The following CD22 variants were observed in gnomAD, a reference collection of about 807,000 sequenced individuals.
The protein encoded by CD22 is B-cell receptor CD22.
CD22 carries 51 observed loss-of-function variants against 94.7 expected under a neutral mutation model. The ratio of observed to expected loss-of-function variants is 0.54; its 90% CI spans 0.43 to 0.68. The LOEUF is 0.68. CD22 is among the 30% of genes least tolerant of loss of function. The pLI, the probability that CD22 is intolerant of heterozygous loss-of-function variation, is 0.00. For synonymous variants in CD22, 424 were observed against 422.5 expected (o/e 1.00, Z -0.04); for missense variants, 931 against 1,060.4 (o/e 0.88, Z 1.69).
chr19:35,338,150 C>T lies in CD22; in HGVS notation c.986-18C>T, dbSNP rs199769189. The T allele has an allele frequency of 2.0e-4, 315 of 1,599,698 alleles. 1 individual carries two copies. In the East Asian group the frequency reaches 7.0e-3, roughly 36 times the overall value. On this transcript the variant is annotated intron_variant, in intron 5 of 13. Coordinates refer to ENST00000085219, the MANE Select transcript of CD22 (RefSeq NM_001771.4). Reference sequence around the variant, plus strand: ...GTGCTCTCCTCACCCCTCCACTCGCCTCTGCCCCCTCTTCCAGATGCCCCG... The same window carrying T: ...GTGCTCTCCTCACCCCTCCACTCGCTTCTGCCCCCTCTTCCAGATGCCCCG...
rs749416520 is a variant in CD22, at chr19:35,344,869, C to T, written c.2076C>T (p.Leu692=). ...ETIGRRVAVG[L]GSCLAILILA... The stretch of plus-strand genomic sequence containing the variant: ...TCGGCAGGCGAGTGGCTGTGGGACT[C>T]GGGTCCTGCCTCGCCATCCTCATCC... Residue 692 remains leucine (L), a synonymous_variant, in exon 10 of 14, where the codon CTC becomes CTT. Transcript: ENST00000085219. 1.3e-5 allele frequency: 21 copies of T among 1,613,874 alleles called. No individual in the cohort carries two copies. Among genetic ancestry groups the T allele is most frequent in the Admixed American group, 6.7e-5 (4 of 59,998 alleles).
In CD22 at chr19:35,340,318, T is replaced by G. The variant is rs190018393; in HGVS notation, c.1250-563T>G. Among the ~76,000 whole-genome samples the G allele has an allele frequency of 3.5e-4, 53 of 152,218 alleles. No individual in the cohort carries two copies. The East Asian group carries it at 9.9e-3, about 28-fold the overall frequency. On this transcript the variant is annotated intron_variant, in intron 6 of 13. Coordinates refer to ENST00000085219, the MANE Select transcript of CD22 (RefSeq NM_001771.4). ...TTGTTTTTAAGATGGAGTCTCCCTC[T>G]GTTGCCCAGGCTGGAGTGCAGTGGC... is the stretch of plus-strand genomic sequence containing the variant.
intron 13 of CD22, 55 bp downstream of exon 13, chr19:35,346,290 G>A (rs1211213245): frequency 6.8e-7 from 1 of 1,472,142 alleles, no homozygotes; most frequent in Admixed American, 1.7e-5. Context: ...CTGGGGACAG[G>A]GCCTGGCCTC....
chr19:35,346,345 T>C, intron 13 of CD22, 110 bp downstream of exon 13: 5 of 1,118,638 alleles, frequency 4.5e-6, no homozygotes, highest in Admixed American at 1.8e-5. Context: ...GCATCCGTGG[T>C]GGCAGAGGTT....
intron 2 of CD22, 22 bp downstream of exon 2, chr19:35,332,096 AGTACTGGG>A: frequency 6.2e-7 from 1 of 1,613,914 alleles, no homozygotes; most frequent in Non-Finnish European, 8.5e-7. Context: ...GGCCTGGGCT[AGTACTGGG>A]GTTCTGGGAT....
At position 35,337,220 on chromosome 19, in the gene CD22, C is replaced by T. The variant is rs981275492; in HGVS notation, c.719-535C>T. On this transcript the variant is annotated intron_variant, in intron 4 of 13. Coordinates refer to ENST00000085219, the MANE Select transcript of CD22 (RefSeq NM_001771.4). This position sits in a 1 kb window ranked among gnomAD's most constrained non-coding sequence, Gnocchi z 4.4. The stretch of plus-strand genomic sequence containing the variant: ...CACCACTGCACTCCAACCTGGGTGA[C>T]GAGTGAGACTCCATCTCAAAAAAAG... 1.3e-5 allele frequency among the ~76,000 whole-genome samples: 2 copies of T among 151,760 alleles called. No homozygotes were observed. The highest frequency in any genetic ancestry group is 2.9e-5 in the Non-Finnish European group (2 of 67,960).
rs144772029 is a variant in CD22, at chr19:35,344,904, G to A, written c.2111G>A (p.Cys704Tyr). 4.0e-5 allele frequency: 64 copies of A among 1,613,922 alleles called. No homozygotes were observed. Among genetic ancestry groups the A allele is most frequent in the Non-Finnish European group, 5.1e-5 (60 of 1,179,910 alleles). The stretch of plus-strand genomic sequence containing the variant: ...CTCGCCATCCTCATCCTGGCAATCT[G>A]TGGGCTCAAGCTCCAGCGACGGTGA... ...SCLAILILAI[C>Y]GLKLQRRWKR... The change falls in exon 10 of 14, where the codon TGT (cysteine) becomes TAT (tyrosine). Residue 704 changes from cysteine to tyrosine, a missense_variant. By Grantham distance (194) the Cys-to-Tyr change is radical. Coordinates refer to ENST00000085219, the MANE Select transcript of CD22 (RefSeq NM_001771.4).
chr19:35,341,692 C>T lies in CD22; in HGVS notation c.1772-10C>T, dbSNP rs140059592. The T allele has an allele frequency of 1.1e-3, 1,714 of 1,607,578 alleles. 3 individuals are homozygous for T. Among genetic ancestry groups the T allele is most frequent in the Non-Finnish European group, 1.2e-3 (1,443 of 1,177,286 alleles). On this transcript the variant is annotated splice_polypyrimidine_tract_variant and intron_variant, in intron 8 of 13. Transcript: ENST00000085219. The surrounding 1 kb of genome is among the most constrained non-coding windows in gnomAD (Gnocchi z 4.0). ...TGACTTCGCACCCCCTCCCCCTGCC[C>T]GCCATGCAGATGCACCCAGGAGGCT...
chr19:35,330,635 C>T (rs1224388431), intron 1 of CD22: 2 of 152,240 alleles, frequency 1.3e-5, no homozygotes, highest in African/African-American at 2.4e-5. Context: ...GAGAGAGGAA[C>T]ATTGATGCGT....
At position 35,346,549 on chromosome 19, in the gene CD22, C is replaced by T; in HGVS notation, c.2413-17C>T. ...GGCGACAGTGGGGCCAGGCTAACCA[C>T]CATGCGGTTTTCTCAGGGCGACTAT... is the stretch of plus-strand genomic sequence containing the variant. On this transcript the variant is annotated splice_polypyrimidine_tract_variant and intron_variant, in intron 13 of 13. Transcript: ENST00000085219. 1.3e-6 allele frequency: 2 copies of T among 1,591,882 alleles called. No individual in the cohort carries two copies. Among genetic ancestry groups the T allele is most frequent in the Non-Finnish European group, 1.7e-6 (2 of 1,167,496 alleles).
rs34472317 is a variant in CD22 at position 35,346,820 on chromosome 19, A to ACG, written c.*124_*125insGC. The ACG allele has an allele frequency of 0.076, 32,202 of 425,680 alleles. 1,486 individuals are homozygous for ACG. The highest frequency in any genetic ancestry group is 0.25 in the African/African-American group (12,671 of 51,432). 26.4% of individuals were successfully genotyped at this position (425,680 alleles called of 1,614,324 possible). A position where few individuals can be genotyped will look rare whatever the true frequency, so the allele number is the denominator to read the frequency against. ...TGTGCGCACACACACACACACACGC[A>ACG]CACACACACACACACACTCACTGCG... On this transcript the variant is annotated 3_prime_UTR_variant, in exon 14 of 14. Coordinates refer to ENST00000085219, the MANE Select transcript of CD22 (RefSeq NM_001771.4).
At chr19:35,331,355 G>A (rs578032962) in intron 1 of CD22, among the ~76,000 whole-genome samples, 11 of 152,336 alleles carry the variant, frequency 7.2e-5, no homozygotes, top group Non-Finnish European at 8.8e-5. Flanking sequence ...CCGGGGCCTG[G>A]CATTCAAAGC....
chr19:35,334,217 A>G (rs1241296553), intron 3 of CD22, among the ~76,000 whole-genome samples: 1 of 152,228 alleles, frequency 6.6e-6, no homozygotes, highest in Non-Finnish European at 1.5e-5. Context: ...GATGTCATCA[A>G]GGAGGTCTGT....
In CD22 at chr19:35,341,682, T is replaced by TC; in HGVS notation, c.1772-15dup. 6.2e-7 allele frequency: 1 copy of TC among 1,605,528 alleles called. No individual in the cohort carries two copies. On this transcript the variant is annotated intron_variant, in intron 8 of 13. Transcript: ENST00000085219. This position sits in a 1 kb window ranked among gnomAD's most constrained non-coding sequence, Gnocchi z 4.0. ...TGCCTGGTAGTGACTTCGCACCCCCTCCCCCTGCCCGCCATGCAGATGCAC... is the reference window on the plus strand; with the variant it reads ...TGCCTGGTAGTGACTTCGCACCCCCTCCCCCCTGCCCGCCATGCAGATGCAC...
chr19:35,344,963 T>G (rs554632932), intron 10 of CD22, 38 bp downstream of exon 10: 3 of 1,596,106 alleles, frequency 1.9e-6, no homozygotes, highest in East Asian at 4.5e-5. Context: ...CCTCTATCCC[T>G]TGGCAGAGGC....
chr19:35,343,910 T>A (rs7247720), intron 9 of CD22, among the ~76,000 whole-genome samples: 33,949 of 152,026 alleles, frequency 0.22, 3,905 homozygotes, highest in Admixed American at 0.3. Context: ...ACGCCTGTAA[T>A]CCCAGCACTT....
intron 3 of CD22, among the ~76,000 whole-genome samples, 175 bp from the exon 4 acceptor site, chr19:35,335,861 A>G (rs1313323200): frequency 6.6e-6 from 1 of 152,162 alleles, no homozygotes; most frequent in East Asian, 1.9e-4. Flanking sequence ...TCTCAAAAAA[A>G]CAACAACACA....
chr19:35,345,014 AG>A, intron 10 of CD22, 36 bp from the exon 11 acceptor site: 1 of 1,605,232 alleles, frequency 6.2e-7, no homozygotes, highest in Non-Finnish European at 8.5e-7. Flanking sequence ...CAGCCTGTGG[AG>A]TCCCTGACCC....
intron 9 of CD22, among the ~76,000 whole-genome samples, chr19:35,342,936 G>A (rs905630461): frequency 7.9e-5 from 12 of 151,780 alleles, no homozygotes; most frequent in African/African-American, 2.9e-4. Context: ...TCAGCTCCCC[G>A]AGTAGCTGGG....
Sources: allele counts gnomAD v4.1 joint callset (sites outside exome capture counted in the v4.1 genomes callset), GRCh38; gene constraint gnomAD v4.1.1; non-coding constraint Gnocchi (gnomAD v3.1); transcripts MANE v1.5; gene names NCBI Gene and HGNC (gene_info 2026-07-23, HGNC 2026-07-21).